The following SLC6A16 variants were observed in gnomAD, a reference collection of about 807,000 sequenced individuals.
The protein encoded by SLC6A16 is solute carrier family 6 member 16.
SLC6A16 carries 54 observed loss-of-function variants against 65.4 expected under a neutral mutation model. The observed-to-expected ratio is 0.83, with a 90% CI of 0.66 to 1.04. The LOEUF is 1.04. SLC6A16 is among the 50% of genes least tolerant of loss of function. The probability of loss-of-function intolerance (pLI) is 0.00; values close to 1 mark genes in which losing one functional copy is unlikely to be tolerated. For missense variants in SLC6A16, 816 were observed against 914.0 expected (o/e 0.89, Z 1.38); for synonymous variants, 330 against 346.5 (o/e 0.95, Z 0.53).
intron 7 of SLC6A16, among the ~76,000 whole-genome samples, chr19:49,308,120 C>G (rs1436732387): frequency 4.0e-5 from 6 of 151,502 alleles, no homozygotes; most frequent in Non-Finnish European, 8.8e-5. Context: ...GGAGTTTCTG[C>G]TAGATTGACA....
chr19:49,329,773 C>T (rs1034371446), upstream of SLC6A16, among the ~76,000 whole-genome samples: 12 of 151,496 alleles, frequency 7.9e-5, no homozygotes, highest in African/African-American at 2.9e-4. Context: ...GCTGGGACTA[C>T]AGGCGCCCGC....
chr19:49,325,327 C>A, upstream of SLC6A16: 1 of 781,040 alleles, frequency 1.3e-6, no homozygotes, highest in Non-Finnish European at 1.6e-6. Context: ...CACGCACGCA[C>A]GTGTGCACAT....
At chr19:49,316,048 A>G (rs183939726) in intron 1 of SLC6A16, among the ~76,000 whole-genome samples, 3 of 152,332 alleles carry the variant, frequency 2.0e-5, no homozygotes, top group East Asian at 1.9e-4. Flanking sequence ...CTACAGATAA[A>G]TTATTTAAAT....
intron 1 of SLC6A16, chr19:49,312,645 G>C: frequency 1.1e-6 from 1 of 869,766 alleles, no homozygotes; most frequent in Non-Finnish European, 1.4e-6. Flanking sequence ...GAGAGGAAGA[G>C]AGAGGGGAAA....
intron 7 of SLC6A16, among the ~76,000 whole-genome samples, chr19:49,295,263 C>G (rs1411808158): frequency 6.6e-6 from 1 of 151,936 alleles, no homozygotes; most frequent in African/African-American, 2.4e-5. Flanking sequence ...GCCTGTAGTC[C>G]CAGCTATTCG....
rs767371246 is a variant in SLC6A16, at chr19:49,290,668, A to C, written c.1878T>G (p.Phe626Leu). ...TACAAAGATGAACCATCATGGTCAC[A>C]AAGATGATTAGCAGCACAACTGGAC... ...HLCPVVLLII[F>L]VTMMVHLCMK... is the part of the protein sequence containing the mutation. Residue 626 changes from phenylalanine (F) to leucine (L), a missense_variant, in exon 11 of 12, where the codon TTT (phenylalanine) becomes TTG (leucine). Transcript: ENST00000335875. 22 of 1,613,954 alleles carry C rather than the reference A, an allele frequency of 1.4e-5. No homozygotes were observed. The African/African-American group carries it at 2.4e-4, about 18-fold the overall frequency.
At chr19:49,331,207 G>T in the SLC6A16 span, among the ~76,000 whole-genome samples, 3 of 151,896 alleles carry the variant, frequency 2.0e-5, no homozygotes, top group African/African-American at 7.3e-5. Flanking sequence ...CCCCTGTAGG[G>T]TCTTGCTCTG....
chr19:49,319,185 AG>A (rs1970665313), intron 1 of SLC6A16, among the ~76,000 whole-genome samples: 1 of 152,028 alleles, frequency 6.6e-6, no homozygotes, highest in African/African-American at 2.4e-5. Flanking sequence ...AACAATTACC[AG>A]AGCATTAGTG....
chr19:49,290,528 G>T, intron 11 of SLC6A16, 77 bp downstream of exon 11: 1 of 1,573,258 alleles, frequency 6.4e-7, no homozygotes, highest in Non-Finnish European at 8.7e-7. Context: ...TGAGATGACT[G>T]GGTTCTTTCA....
chr19:49,312,997 C>G (rs1011750149), intron 1 of SLC6A16, among the ~76,000 whole-genome samples: 1 of 143,912 alleles, frequency 6.9e-6, no homozygotes, highest in Admixed American at 7.2e-5. Flanking sequence ...GCAGGAGGAT[C>G]GTTTGAACAC....
chr19:49,339,404 C>A, the SLC6A16 span: 1 of 1,613,812 alleles, frequency 6.2e-7, no homozygotes, highest in Non-Finnish European at 8.5e-7. This position sits in a 1 kb window ranked among gnomAD's most constrained non-coding sequence, Gnocchi z 4.5. Context: ...TGGGCGTCGG[C>A]CTACTCGAGG....
the SLC6A16 span, chr19:49,339,598 G>A: frequency 4.2e-6 from 6 of 1,443,240 alleles, no homozygotes; most frequent in Admixed American, 1.7e-4. This position sits in a 1 kb window ranked among gnomAD's most constrained non-coding sequence, Gnocchi z 4.5. Context: ...AGCCCTGATT[G>A]GGTGTACGCA....
intron 8 of SLC6A16, 27 bp from the exon 9 acceptor site, chr19:49,294,055 A>T (rs1222332197): frequency 2.5e-6 from 4 of 1,586,456 alleles, no homozygotes; most frequent in African/African-American, 1.3e-5. Context: ...GAGGTGTTAA[A>T]GTGTCATTGA....
chr19:49,294,214 C>T (rs1003543016), intron 8 of SLC6A16, among the ~76,000 whole-genome samples, 153 bp downstream of exon 8: 1 of 152,172 alleles, frequency 6.6e-6, no homozygotes, highest in Non-Finnish European at 1.5e-5. Flanking sequence ...CCATGGAAGG[C>T]CATTCCGCAA....
At chr19:49,339,300 A>G in the SLC6A16 span, 92 of 1,595,694 alleles carry the variant, frequency 5.8e-5, no homozygotes, top group Non-Finnish European at 7.6e-5. This position sits in a 1 kb window ranked among gnomAD's most constrained non-coding sequence, Gnocchi z 4.5. Flanking sequence ...CCCAGAAAGA[A>G]TCCCTTTAAC....
chr19:49,290,910 T>C (rs2146058718), intron 10 of SLC6A16, 143 bp from the exon 11 acceptor site: 1 of 746,470 alleles, frequency 1.3e-6, no homozygotes, highest in Admixed American at 2.8e-5. Flanking sequence ...CTCTCTCATC[T>C]TCCCCCTAGT....
chr19:49,301,240 T>C (rs951978652), intron 7 of SLC6A16, among the ~76,000 whole-genome samples: 1 of 152,152 alleles, frequency 6.6e-6, no homozygotes, highest in Admixed American at 6.5e-5. Flanking sequence ...GGGAATTCCC[T>C]GGCTCGCATA....
chr19:49,322,634 C>CAAA (rs59799608), intron 1 of SLC6A16, among the ~76,000 whole-genome samples: 2 of 77,410 alleles, frequency 2.6e-5, no homozygotes, highest in Non-Finnish European at 5.5e-5. Flanking sequence ...AACTCCATCT[C>CAAA]AAAAAAAAAA....
At chr19:49,291,555 A>C (rs1970079204) in intron 10 of SLC6A16, among the ~76,000 whole-genome samples, 1 of 152,174 alleles carries the variant, frequency 6.6e-6, no homozygotes, top group Non-Finnish European at 1.5e-5. Context: ...ATAAGTGAGC[A>C]AACTGACTCC....
Sources: allele counts gnomAD v4.1 joint callset (sites outside exome capture counted in the v4.1 genomes callset), GRCh38; gene constraint gnomAD v4.1.1; non-coding constraint Gnocchi (gnomAD v3.1); transcripts MANE v1.5; gene names NCBI Gene and HGNC (gene_info 2026-07-23, HGNC 2026-07-21).